DACH1: variants seen among roughly 807,000 people sequenced by gnomAD.
DACH1 encodes dachshund homolog 1.
DACH1 carries 12 observed loss-of-function variants against 54.2 expected under a neutral mutation model. The observed-to-expected ratio is 0.22, with a 90% CI of 0.14 to 0.36. The LOEUF is 0.36. Among genes scored for constraint, DACH1 ranks in the 10% least tolerant of loss-of-function variants. The probability of loss-of-function intolerance (pLI) is 1.00; values close to 1 mark genes in which losing one functional copy is unlikely to be tolerated. For synonymous variants in DACH1, 386 were observed against 366.2 expected (o/e 1.05, Z -0.62); for missense variants, 805 against 929.8 (o/e 0.87, Z 1.75).
At chr13:71,564,178 G>A (rs1376339762) in intron 4 of DACH1, among the ~76,000 whole-genome samples, 3 of 151,904 alleles carry the variant, frequency 2.0e-5, no homozygotes, top group Non-Finnish European at 2.9e-5. Flanking sequence ...AATTATTACT[G>A]AAACAAAATA....
intron 7 of DACH1, among the ~76,000 whole-genome samples, chr13:71,483,426 A>C: frequency 6.8e-6 from 1 of 147,012 alleles, no homozygotes; most frequent in East Asian, 2.0e-4. Flanking sequence ...AGTTAAAATT[A>C]TTATATTTAT....
chr13:71,753,361 T>TA (rs1469873721), intron 1 of DACH1, among the ~76,000 whole-genome samples: 1 of 152,204 alleles, frequency 6.6e-6, no homozygotes, highest in Non-Finnish European at 1.5e-5. Flanking sequence ...CATTTCTTCT[T>TA]ACTGCACTCC....
chr13:71,556,582 G>A (rs1884264836), intron 6 of DACH1, among the ~76,000 whole-genome samples: 1 of 152,030 alleles, frequency 6.6e-6, no homozygotes, highest in African/African-American at 2.4e-5. Context: ...ACAACTAGTA[G>A]TACATTGACA....
At chr13:71,664,302 T>C (rs1879688375) in intron 2 of DACH1, among the ~76,000 whole-genome samples, 1 of 151,958 alleles carries the variant, frequency 6.6e-6, no homozygotes, top group South Asian at 2.1e-4. Context: ...CAATACAAAA[T>C]AAAAATGCTA....
intron 1 of DACH1, among the ~76,000 whole-genome samples, chr13:71,770,415 A>G (rs778866024): frequency 2.6e-5 from 4 of 151,602 alleles, no homozygotes; most frequent in African/African-American, 7.2e-5. Context: ...CTATTATACA[A>G]TATCAGCTGA....
intron 3 of DACH1, among the ~76,000 whole-genome samples, chr13:71,581,608 T>C (rs974583691): frequency 3.9e-5 from 6 of 152,178 alleles, no homozygotes; most frequent in African/African-American, 1.4e-4. Context: ...AATGGTAATA[T>C]GTTTAACATT....
intron 1 of DACH1, among the ~76,000 whole-genome samples, chr13:71,760,422 T>A (rs1885356805): frequency 6.6e-6 from 1 of 152,216 alleles, no homozygotes; most frequent in Admixed American, 6.5e-5. Flanking sequence ...TCGTTCATTC[T>A]CACTGCGCTC....
chr13:71,485,247 A>T (rs945820281), intron 7 of DACH1, among the ~76,000 whole-genome samples: 1 of 151,718 alleles, frequency 6.6e-6, no homozygotes, highest in Admixed American at 6.6e-5. Flanking sequence ...GATAGACCAC[A>T]ATGAAAAAAA....
intron 10 of DACH1, 32 bp from the exon 11 acceptor site, chr13:71,440,724 G>A: frequency 6.4e-7 from 1 of 1,554,974 alleles, no homozygotes; most frequent in South Asian, 1.2e-5. Context: ...TTAATTAATG[G>A]CATGGTATTT....
At chr13:71,494,926 A>G (rs929999818) in intron 6 of DACH1, among the ~76,000 whole-genome samples, 9 of 152,064 alleles carry the variant, frequency 5.9e-5, no homozygotes, top group African/African-American at 2.2e-4. Context: ...ACAATTTAGC[A>G]GGATATCCTA....
chr13:71,711,036 G>C (rs1051056953), intron 1 of DACH1, among the ~76,000 whole-genome samples: 1 of 152,112 alleles, frequency 6.6e-6, no homozygotes, highest in African/African-American at 2.4e-5. Context: ...ATTGATGGAA[G>C]AAATGGTTCT....
At chr13:71,836,864 C>T (rs1888806833) in intron 1 of DACH1, among the ~76,000 whole-genome samples, 1 of 151,984 alleles carries the variant, frequency 6.6e-6, no homozygotes, top group Non-Finnish European at 1.5e-5. Context: ...CCTCTCCACC[C>T]CTAACCATGA....
At chr13:71,812,827 A>G (rs1887769890) in intron 1 of DACH1, among the ~76,000 whole-genome samples, 3 of 152,224 alleles carry the variant, frequency 2.0e-5, no homozygotes, top group Admixed American at 2.0e-4. Context: ...TATATTTCAA[A>G]TATCTACATC....
chr13:71,501,074 G>C (rs770380674), intron 6 of DACH1, among the ~76,000 whole-genome samples: 1 of 152,088 alleles, frequency 6.6e-6, no homozygotes, highest in Non-Finnish European at 1.5e-5. Context: ...CCCCTGGTTC[G>C]AGATGTCCTG....
At chr13:71,676,059 GGTAAGGCATACAGTAGATT>G (rs1421111648) in intron 2 of DACH1, among the ~76,000 whole-genome samples, 1 of 152,070 alleles carries the variant, frequency 6.6e-6, no homozygotes, top group African/African-American at 2.4e-5. Flanking sequence ...TTATTCTTTG[GGTAAGGCATACAGTAGATT>G]GTTATGTTTA....
chr13:71,755,747 G>A (rs1885119857), intron 1 of DACH1, among the ~76,000 whole-genome samples: 1 of 152,132 alleles, frequency 6.6e-6, no homozygotes, highest in African/African-American at 2.4e-5. Flanking sequence ...CTTGTATAAT[G>A]TCTTCAAACT....
At chr13:71,573,076 G>A in intron 3 of DACH1, 64 bp from the exon 4 acceptor site, 3 of 1,486,262 alleles carry the variant, frequency 2.0e-6, no homozygotes, top group Non-Finnish European at 2.7e-6. Flanking sequence ...AATTGAAACA[G>A]TCAAAAGTTT....
At chr13:71,689,178 T>C (rs1352562637) in intron 1 of DACH1, among the ~76,000 whole-genome samples, 1 of 152,190 alleles carries the variant, frequency 6.6e-6, no homozygotes, top group Non-Finnish European at 1.5e-5. Context: ...CCATGTTCTA[T>C]ATGTCATAGG....
chr13:71,669,158 T>C (rs990901324), intron 2 of DACH1, among the ~76,000 whole-genome samples: 4 of 152,120 alleles, frequency 2.6e-5, no homozygotes, highest in Admixed American at 2.6e-4. Flanking sequence ...GTGATCACAT[T>C]AGCTCAGGGG....
Sources: gnomAD v4.1 joint callset for allele counts (sites outside exome capture counted in the v4.1 genomes callset) on GRCh38, gnomAD v4.1.1 for gene constraint, MANE v1.5 for transcripts, NCBI Gene and HGNC (gene_info 2026-07-23, HGNC 2026-07-21) for gene names.